Variants in TMCO5A observed in about 807,000 individuals in gnomAD.
The protein encoded by TMCO5A is transmembrane and coiled-coil domains 5A.
A neutral mutation model predicts 42.3 loss-of-function variants in TMCO5A; 34 were observed. That is an observed-to-expected ratio of 0.80 (90% CI 0.61 to 1.07). The LOEUF (loss-of-function observed/expected upper bound fraction) is 1.07. Among genes scored for constraint, TMCO5A ranks in the 50% least tolerant of loss-of-function variants. The pLI is 0.00. For missense variants in TMCO5A, 357 were observed against 327.9 expected (o/e 1.09, Z -0.69); for synonymous variants, 131 against 115.6 (o/e 1.13, Z -0.86).
chr15:38,022,960 A>G, the TMCO5A span, among the ~76,000 whole-genome samples: 1 of 152,182 alleles, frequency 6.6e-6, no homozygotes, highest in Non-Finnish European at 1.5e-5. Flanking sequence ...CCTCTTGAAA[A>G]CACTCAATTG....
chr15:37,944,537 T>C (rs1259970926), intron 10 of TMCO5A: 1 of 152,114 alleles, frequency 6.6e-6, no homozygotes, highest in African/African-American at 2.4e-5. Context: ...AAACTATAGA[T>C]CAAAATTTGT....
At chr15:37,937,051 T>C (rs1330873295) in intron 4 of TMCO5A, 81 bp downstream of exon 4, 6 of 1,570,048 alleles carry the variant, frequency 3.8e-6, no homozygotes, top group Non-Finnish European at 4.3e-6. Context: ...TAAGCTTGTC[T>C]CTCCTTTTTA....
chr15:38,014,793 A>C, the TMCO5A span, among the ~76,000 whole-genome samples: 1 of 149,126 alleles, frequency 6.7e-6, no homozygotes, highest in Non-Finnish European at 1.5e-5. Context: ...AAGATCCTAA[A>C]GGAAAAGACA....
the TMCO5A span, among the ~76,000 whole-genome samples, chr15:37,981,465 A>G: frequency 6.6e-6 from 1 of 152,186 alleles, no homozygotes; most frequent in African/African-American, 2.4e-5. Flanking sequence ...TTGATTTTAT[A>G]ATACTCAGAA....
chr15:37,961,480 C>G (rs1431057211), intron 11 of TMCO5A, among the ~76,000 whole-genome samples: 2 of 152,074 alleles, frequency 1.3e-5, no homozygotes, highest in East Asian at 3.8e-4. Flanking sequence ...AGTGTCATGC[C>G]TCCAGATTTG....
chr15:37,936,296 T>C lies in TMCO5A; in HGVS notation c.-10-18T>C, dbSNP rs1390882855. On this transcript the variant is annotated intron_variant, in intron 2 of 11. Transcript: ENST00000319669. ...TGAGATAACTGGCCCTTGTTCATTT[T>C]GGGGGCTGAGTCTATAGGTCGGAGA... The C allele has an allele frequency of 1.3e-6, 2 of 1,595,172 alleles. No homozygotes were observed. Among genetic ancestry groups the C allele is most frequent in the Non-Finnish European group, 1.7e-6 (2 of 1,173,404 alleles).
chr15:38,039,326 A>T, the TMCO5A span, among the ~76,000 whole-genome samples: 1 of 152,234 alleles, frequency 6.6e-6, no homozygotes, highest in Non-Finnish European at 1.5e-5. Context: ...GTTAAGTTCA[A>T]GATTATAGCT....
the TMCO5A span, among the ~76,000 whole-genome samples, chr15:37,998,441 G>A: frequency 3.3e-5 from 5 of 152,058 alleles, no homozygotes; most frequent in African/African-American, 7.2e-5. Flanking sequence ...TCCCAGCACC[G>A]TTTATGAAAA....
At chr15:37,946,590 C>A (rs188725247) in intron 10 of TMCO5A, among the ~76,000 whole-genome samples, 17 of 152,080 alleles carry the variant, frequency 1.1e-4, no homozygotes, top group Admixed American at 1.0e-3. Flanking sequence ...CCCTTGTAAG[C>A]TGTATTCCTA....
chr15:37,965,185 G>A (rs1431213358), intron 11 of TMCO5A, among the ~76,000 whole-genome samples: 3 of 152,088 alleles, frequency 2.0e-5, no homozygotes, highest in South Asian at 2.1e-4. Flanking sequence ...TTCAATAAAC[G>A]GTGCTGAGAA....
At chr15:38,024,134 T>C in the TMCO5A span, among the ~76,000 whole-genome samples, 1 of 152,200 alleles carries the variant, frequency 6.6e-6, no homozygotes, top group Non-Finnish European at 1.5e-5. Flanking sequence ...GAAGGGACAA[T>C]GGTCTCTGGT....
chr15:37,999,391 C>T, the TMCO5A span, among the ~76,000 whole-genome samples: 1 of 152,140 alleles, frequency 6.6e-6, no homozygotes. Context: ...GCAGTCTGTA[C>T]CTTTAATGAA....
At chr15:37,961,592 T>A (rs1890429909) in intron 11 of TMCO5A, among the ~76,000 whole-genome samples, 1 of 152,134 alleles carries the variant, frequency 6.6e-6, no homozygotes, top group Non-Finnish European at 1.5e-5. Flanking sequence ...GGTATTTTGA[T>A]GGGGATTGCA....
At chr15:37,954,130 A>T (rs1396578357), downstream of TMCO5A, among the ~76,000 whole-genome samples, 1 of 152,174 alleles carries the variant, frequency 6.6e-6, no homozygotes, top group Non-Finnish European at 1.5e-5. Context: ...ATAAACAGAT[A>T]GGCATAGAAA....
chr15:37,966,826 T>C (rs2140825083), exon 12 of TMCO5A: 1 of 635,660 alleles, frequency 1.6e-6, no homozygotes, highest in African/African-American at 1.8e-5. Flanking sequence ...GTACTCTGAT[T>C]GGTCAAGCTT....
chr15:37,959,293 C>G (rs894031323), intron 11 of TMCO5A, among the ~76,000 whole-genome samples: 1 of 151,840 alleles, frequency 6.6e-6, no homozygotes, highest in East Asian at 1.9e-4. Flanking sequence ...TGAACTAATA[C>G]CAATCCTATT....
At chr15:38,000,685 C>T in the TMCO5A span, among the ~76,000 whole-genome samples, 1 of 151,638 alleles carries the variant, frequency 6.6e-6, no homozygotes, top group African/African-American at 2.4e-5. Flanking sequence ...TTTGCTGTAC[C>T]CTAAAAGTTT....
chr15:37,962,538 T>C (rs1010661388), intron 11 of TMCO5A, among the ~76,000 whole-genome samples: 1 of 152,128 alleles, frequency 6.6e-6, no homozygotes, highest in Admixed American at 6.6e-5. Context: ...GGTATTAGGG[T>C]GATGCTGGCT....
chr15:38,038,928 C>T, the TMCO5A span, among the ~76,000 whole-genome samples: 2 of 152,158 alleles, frequency 1.3e-5, no homozygotes, highest in Admixed American at 1.3e-4. Flanking sequence ...AAATTAAAGT[C>T]AGATCACCAA....
Sources: gnomAD v4.1 joint callset for allele counts (sites outside exome capture counted in the v4.1 genomes callset) on GRCh38, gnomAD v4.1.1 for gene constraint, MANE v1.5 for transcripts, NCBI Gene and HGNC (gene_info 2026-07-23, HGNC 2026-07-21) for gene names.